The following DEF8 variants were observed in gnomAD, a reference collection of about 807,000 sequenced individuals.
DEF8 encodes DEF-8.
A neutral mutation model predicts 59.1 loss-of-function variants in DEF8; 38 were observed. The ratio of observed to expected loss-of-function variants is 0.64; its 90% CI spans 0.50 to 0.84. The LOEUF (loss-of-function observed/expected upper bound fraction) is 0.84. DEF8 is among the 40% of genes least tolerant of loss of function. DEF8 has a pLI of 0.00. For missense variants in DEF8, 557 were observed against 615.2 expected (o/e 0.91, Z 1.00); for synonymous variants, 265 against 250.1 (o/e 1.06, Z -0.56).
intron 2 of DEF8, chr16:89,952,606 G>A (rs142054438): frequency 6.6e-6 from 1 of 152,510 alleles, no homozygotes; most frequent in African/African-American, 2.4e-5. Context: ...CTGTGTCCTG[G>A]GTGCTCCCTG....
rs756174697 is a variant in DEF8 at position 89,964,463 on chromosome 16, C to T, written c.1144-3C>T. 9.5e-6 allele frequency: 15 copies of T among 1,585,124 alleles called. No homozygotes were observed. The highest frequency in any genetic ancestry group is 1.3e-5 in the Non-Finnish European group (15 of 1,166,170). On this transcript the variant is annotated splice_region_variant and splice_polypyrimidine_tract_variant and intron_variant, in intron 11 of 12. Coordinates refer to ENST00000563594, the MANE Select transcript of DEF8 (RefSeq NM_001242818.2). ...TGCCCCAACCCCACACTGTTCCCCC[C>T]AGCGGTGCCAGGCCAAGGGCTTCGT...
chr16:89,967,382 C>T lies in DEF8; in HGVS notation c.*1419C>T, dbSNP rs1012157808. On this transcript the variant is annotated 3_prime_UTR_variant, in exon 13 of 13. Coordinates refer to ENST00000563594, the MANE Select transcript of DEF8 (RefSeq NM_001242818.2). ...GGAGTGGGAGAGACGGCAGGGTCTC[C>T]TCTTTGTCCTCCGGCATCAGGAAGG... The T allele has an allele frequency of 5.0e-6, 2 of 398,680 alleles. No individual in the cohort carries two copies. The highest frequency in any genetic ancestry group is 4.4e-6 in the Non-Finnish European group (1 of 226,088). 24.7% of individuals were successfully genotyped at this position (398,680 alleles called of 1,614,324 possible). A position where few individuals can be genotyped will look rare whatever the true frequency, so the allele number is the denominator to read the frequency against.
intron 6 of DEF8, 79 bp downstream of exon 6, chr16:89,959,234 G>C: frequency 6.3e-7 from 1 of 1,597,482 alleles, no homozygotes; most frequent in Non-Finnish European, 8.5e-7. Context: ...ATTCAGATGT[G>C]AGCTATCCAG....
Position 89,949,480 on chromosome 16 carries a change from C to A in DEF8, c.-44C>A, listed in dbSNP as rs373990731. On this transcript the variant is annotated 5_prime_UTR_variant, in exon 2 of 13. Coordinates refer to ENST00000563594, the MANE Select transcript of DEF8 (RefSeq NM_001242818.2). Reference sequence around the variant, plus strand: ...GCCCTAGAGGAATGGCCATCCTGTCCCTGCGAGCCCCTGGGCCCTGGCAGG... The same window carrying A: ...GCCCTAGAGGAATGGCCATCCTGTCACTGCGAGCCCCTGGGCCCTGGCAGG... The A allele has an allele frequency of 2.7e-5, 44 of 1,612,504 alleles. No individual in the cohort carries two copies. The highest frequency in any genetic ancestry group is 3.6e-5 in the Non-Finnish European group (42 of 1,179,880).
intron 5 of DEF8, 41 bp from the exon 6 acceptor site, chr16:89,958,973 C>T (rs774677102): frequency 2.5e-6 from 4 of 1,600,086 alleles, no homozygotes; most frequent in East Asian, 2.2e-5. Flanking sequence ...GAACTTCAGC[C>T]CAGCTCACCT....
In DEF8 at chr16:89,959,153, C is replaced by T. The variant is rs1332427569; in HGVS notation, c.512C>T (p.Thr171Ile). The change falls in exon 6 of 13, where the codon ACA becomes ATA. Residue 171 changes from threonine to isoleucine, a missense_variant and splice_region_variant. By Grantham distance (89) the Thr-to-Ile change is moderately conservative. Coordinates refer to ENST00000563594, the MANE Select transcript of DEF8 (RefSeq NM_001242818.2). ...CTCATTCAGACCTGGTACACCTGCA[C>T]AGGTGGGCCGAGACCCAGACGAGGA... The part of the protein sequence containing the change: ...WGLIQTWYTC[T>I]GCYYRCHSKC... The T allele has an allele frequency of 1.4e-5, 22 of 1,613,922 alleles. No homozygotes were observed. The highest frequency in any genetic ancestry group is 1.6e-4 in the Middle Eastern group (1 of 6,062).
chr16:89,959,517 C>T (rs897796163), intron 6 of DEF8, among the ~76,000 whole-genome samples: 6 of 152,218 alleles, frequency 3.9e-5, no homozygotes, highest in Non-Finnish European at 7.3e-5. Context: ...GTTTTTGAGA[C>T]GGAGTCTCAC....
In DEF8 at chr16:89,949,491, C is replaced by T. The variant is rs202192641; in HGVS notation, c.-33C>T. 1 of 1,613,004 alleles carries T rather than the reference C, an allele frequency of 6.2e-7. No individual in the cohort carries two copies. Among genetic ancestry groups the T allele is most frequent in the African/African-American group, 1.3e-5 (1 of 75,028 alleles). Reference sequence around the variant, plus strand: ...ATGGCCATCCTGTCCCTGCGAGCCCCTGGGCCCTGGCAGGCGATGCAGGTA... The same window carrying T: ...ATGGCCATCCTGTCCCTGCGAGCCCTTGGGCCCTGGCAGGCGATGCAGGTA... On this transcript the variant is annotated 5_prime_UTR_variant, in exon 2 of 13. Coordinates refer to ENST00000563594, the MANE Select transcript of DEF8 (RefSeq NM_001242818.2).
chr16:89,955,252 T>C lies in DEF8; in HGVS notation c.208T>C (p.Phe70Leu). Residue 70 changes from phenylalanine (F) to leucine (L), a missense_variant, in exon 4 of 13, where the codon TTC (phenylalanine) becomes CTC (leucine). Physicochemically the swap from Phe to Leu is conservative, Grantham distance 22 (BLOSUM62 0). Transcript: ENST00000563594. ...GGATCTCGGCCTGTCTGAGGACCAC[T>C]TCTCCCGCCCTGTGGTAAGGTTTTA... ...VMDLGLSEDHFSRPVGLFLAS... is the reference protein window; with the variant it reads ...VMDLGLSEDHLSRPVGLFLAS... 2 of 1,613,126 alleles carry C rather than the reference T, an allele frequency of 1.2e-6. No homozygotes were observed. Among genetic ancestry groups the C allele is most frequent in the Non-Finnish European group, 1.7e-6 (2 of 1,179,638 alleles).
At position 89,954,438 on chromosome 16, in the gene DEF8, C is replaced by G. The variant is rs2032762678; in HGVS notation, c.124+62C>G. On this transcript the variant is annotated intron_variant, in intron 3 of 12. Coordinates refer to ENST00000563594, the MANE Select transcript of DEF8 (RefSeq NM_001242818.2). This position sits in a 1 kb window ranked among gnomAD's most constrained non-coding sequence, Gnocchi z 4.3. Reference sequence around the variant, plus strand: ...GGTCTCTGACTGCTTACGTGGACCCCTCCTTTCTTCCTGCCGCGTCCTGCG... The same window carrying G: ...GGTCTCTGACTGCTTACGTGGACCCGTCCTTTCTTCCTGCCGCGTCCTGCG... The G allele has an allele frequency of 6.4e-7, 1 of 1,565,214 alleles. No homozygotes were observed. Among genetic ancestry groups the G allele is most frequent in the South Asian group, 1.2e-5 (1 of 85,680 alleles).
At position 89,950,026 on chromosome 16, in the gene DEF8, C is replaced by T. The variant is rs2031715579; in HGVS notation, c.-11+513C>T. On this transcript the variant is annotated intron_variant, in intron 2 of 12. Transcript: ENST00000563594. ...GCGCCAGGCCTGGGGCTGGCACTGA[C>T]TGTCAGTAAATAGGCAAATAAAAGA... is the stretch of plus-strand genomic sequence containing the variant. 2.9e-6 allele frequency: 3 copies of T among 1,025,994 alleles called. No individual in the cohort carries two copies. The African/African-American group carries it at 5.1e-5, about 17-fold the overall frequency. The allele number at this position is 1,025,994 out of a possible 1,614,324, so 63.6% of individuals were successfully genotyped here.
intron 2 of DEF8, among the ~76,000 whole-genome samples, chr16:89,953,599 GCTT>G (rs1214137145): frequency 6.6e-6 from 1 of 152,214 alleles, no homozygotes; most frequent in Non-Finnish European, 1.5e-5. Flanking sequence ...TTTGTAGGGG[GCTT>G]CTCTGTGTGC....
chr16:89,957,615 C>G lies in DEF8; in HGVS notation c.327C>G (p.Ala109=), dbSNP rs138165651. The stretch of plus-strand genomic sequence containing the variant: ...AGCAGTCGGAGAAGCAGAAGGATGC[C>G]GTGGTGCGACTCATCCACCTCCGGC... ...LPEQSEKQKD[A]VVRLIHLRLK... Residue 109 remains alanine, a synonymous_variant, in exon 5 of 13, where the codon GCC becomes GCG. Transcript: ENST00000563594. 22 of 1,578,742 alleles carry G rather than the reference C, an allele frequency of 1.4e-5. No individual in the cohort carries two copies. Among genetic ancestry groups the G allele is most frequent in the African/African-American group, 6.7e-5 (5 of 74,124 alleles).
intron 4 of DEF8, 80 bp from the exon 5 acceptor site, chr16:89,957,431 G>T: frequency 3.4e-6 from 5 of 1,455,724 alleles, no homozygotes; most frequent in Non-Finnish European, 4.6e-6. Context: ...GTCTGCTCTG[G>T]GCCTGTCTCG....
intron 6 of DEF8, among the ~76,000 whole-genome samples, chr16:89,959,603 T>C (rs938521980): frequency 2.0e-5 from 3 of 152,260 alleles, no homozygotes; most frequent in Non-Finnish European, 4.4e-5. Flanking sequence ...CACACCGTTC[T>C]CCTGCCTCAG....
intron 2 of DEF8, among the ~76,000 whole-genome samples, chr16:89,953,738 G>A (rs1295338638): frequency 6.6e-6 from 1 of 152,228 alleles, no homozygotes; most frequent in Non-Finnish European, 1.5e-5. Context: ...TAAGTCCTGA[G>A]ACAGGGGCTG....
At chr16:89,953,379 C>T (rs1488381817) in intron 2 of DEF8, among the ~76,000 whole-genome samples, 1 of 152,140 alleles carries the variant, frequency 6.6e-6, no homozygotes, top group Non-Finnish European at 1.5e-5. Context: ...GTCCCTTCCT[C>T]CCTGCCAGGA....
In DEF8 at chr16:89,966,043, G is replaced by C. The variant is rs1299931552; in HGVS notation, c.*80G>C. The C allele has an allele frequency of 8.5e-7, 1 of 1,181,544 alleles. No individual in the cohort carries two copies. The highest frequency in any genetic ancestry group is 1.2e-6 in the Non-Finnish European group (1 of 820,810). 73.2% of individuals were successfully genotyped at this position (1,181,544 alleles called of 1,614,324 possible). ...ACATCAAGTTGTTCCTTCTGCTCCG[G>C]AGACCCCTGGGGTGCGGCCCTGGCC... On this transcript the variant is annotated 3_prime_UTR_variant, in exon 13 of 13. Coordinates refer to ENST00000563594, the MANE Select transcript of DEF8 (RefSeq NM_001242818.2).
rs2151150792 is a variant in DEF8, at chr16:89,954,383, G to A, written c.124+7G>A. 1 of 1,612,886 alleles carries A rather than the reference G, an allele frequency of 6.2e-7. No individual in the cohort carries two copies. ...CCGGACGTCACTCCTGAAGGTGGGT[G>A]CTGGTGGGAGTCAGGGTGGGAGCTG... On this transcript the variant is annotated splice_region_variant and intron_variant, in intron 3 of 12. Transcript: ENST00000563594. This position sits in a 1 kb window ranked among gnomAD's most constrained non-coding sequence, Gnocchi z 4.3.
Sources: gnomAD v4.1 joint callset for allele counts (sites outside exome capture counted in the v4.1 genomes callset) on GRCh38, gnomAD v4.1.1 for gene constraint, Gnocchi (gnomAD v3.1) non-coding constraint, MANE v1.5 for transcripts, NCBI Gene and HGNC (gene_info 2026-07-23, HGNC 2026-07-21) for gene names.